Variants in SYNDIG1L observed in about 807,000 individuals in gnomAD.
The protein encoded by SYNDIG1L is synapse differentiation inducing 1 like.
Under a neutral mutation model 20.1 loss-of-function variants are expected in SYNDIG1L, and 13 were observed. The ratio of observed to expected loss-of-function variants is 0.65; its 90% CI spans 0.42 to 1.03. The LOEUF is 1.03. SYNDIG1L is among the 50% of genes least tolerant of loss of function. SYNDIG1L has a pLI of 0.00. For missense variants in SYNDIG1L, 294 were observed against 305.1 expected (o/e 0.96, Z 0.27); for synonymous variants, 128 against 129.3 (o/e 0.99, Z 0.07).
At chr14:74,454,485 G>C in the SYNDIG1L span, among the ~76,000 whole-genome samples, 1 of 152,188 alleles carries the variant, frequency 6.6e-6, no homozygotes, top group African/African-American at 2.4e-5. Flanking sequence ...GTGACTGCCT[G>C]GCTCTAGTGG....
At chr14:74,433,585 G>A in the SYNDIG1L span, among the ~76,000 whole-genome samples, 4 of 151,986 alleles carry the variant, frequency 2.6e-5, no homozygotes, top group Non-Finnish European at 4.4e-5. Context: ...GTGTTTCACC[G>A]TGTTGCCCAG....
intron 1 of SYNDIG1L, among the ~76,000 whole-genome samples, chr14:74,425,649 G>C (rs183815614): frequency 6.6e-6 from 1 of 152,328 alleles, no homozygotes; most frequent in Admixed American, 6.5e-5. Flanking sequence ...AGGATGTCTA[G>C]GAGCTGCCTG....
the SYNDIG1L span, among the ~76,000 whole-genome samples, chr14:74,448,318 A>G: frequency 7.9e-5 from 12 of 152,328 alleles, no homozygotes; most frequent in Non-Finnish European, 1.2e-4. Context: ...GAAAAAAGAT[A>G]TACCATGCTC....
the SYNDIG1L span, among the ~76,000 whole-genome samples, chr14:74,473,736 T>C: frequency 3.3e-5 from 5 of 152,192 alleles, no homozygotes; most frequent in Admixed American, 6.5e-5. Context: ...TGGCACATAA[T>C]AGGTGCTCAG....
chr14:74,426,889 C>G (rs990761012), upstream of SYNDIG1L, among the ~76,000 whole-genome samples: 3 of 151,988 alleles, frequency 2.0e-5, no homozygotes, highest in African/African-American at 7.3e-5. Flanking sequence ...TGTATAACCT[C>G]GAGCAAGTTA....
At chr14:74,453,897 C>G in the SYNDIG1L span, among the ~76,000 whole-genome samples, 1 of 151,936 alleles carries the variant, frequency 6.6e-6, no homozygotes, top group Non-Finnish European at 1.5e-5. Context: ...ACTGGGGAGG[C>G]GGAGGTTGCA....
the SYNDIG1L span, among the ~76,000 whole-genome samples, chr14:74,466,095 C>T: frequency 3.9e-5 from 6 of 152,216 alleles, no homozygotes; most frequent in Non-Finnish European, 5.9e-5. Context: ...CCTTCCCATT[C>T]GGCCAGCCAG....
chr14:74,446,630 T>C, the SYNDIG1L span, among the ~76,000 whole-genome samples: 320 of 151,672 alleles, frequency 2.1e-3, 2 homozygotes, highest in Admixed American at 4.1e-3. Flanking sequence ...TTTTTTTTTT[T>C]CTTTTTGAGA....
chr14:74,470,514 G>C, the SYNDIG1L span, among the ~76,000 whole-genome samples: 6 of 152,220 alleles, frequency 3.9e-5, no homozygotes, highest in Admixed American at 3.9e-4. Flanking sequence ...GGTAGGCATA[G>C]AGCTGAGCCA....
At chr14:74,442,198 G>A in the SYNDIG1L span, among the ~76,000 whole-genome samples, 13 of 152,030 alleles carry the variant, frequency 8.6e-5, no homozygotes, top group African/African-American at 2.4e-4. Flanking sequence ...ATTGTCATAC[G>A]ATTATGAGAA....
chr14:74,437,998 T>C, the SYNDIG1L span, among the ~76,000 whole-genome samples: 1 of 152,178 alleles, frequency 6.6e-6, no homozygotes, highest in Non-Finnish European at 1.5e-5. Context: ...TGTCTAGAAA[T>C]ATAGGTTCAC....
At chr14:74,477,059 CACACACACACACACACACACACACA>C in the SYNDIG1L span, among the ~76,000 whole-genome samples, 1 of 46,604 alleles carries the variant, frequency 2.1e-5, no homozygotes. Context: ...CACACACACA[CACACACACACACACACACACACACA>C]CACACAACCC....
chr14:74,471,575 G>A, the SYNDIG1L span, among the ~76,000 whole-genome samples: 2 of 151,444 alleles, frequency 1.3e-5, no homozygotes, highest in Non-Finnish European at 2.9e-5. Flanking sequence ...TGCAGCCTGG[G>A]TGACAACGTG....
At chr14:74,430,437 ATT>A (rs2086294424), upstream of SYNDIG1L, among the ~76,000 whole-genome samples, 1 of 114,326 alleles carries the variant, frequency 8.7e-6, no homozygotes, top group African/African-American at 3.8e-5. Context: ...AAGAATACGC[ATT>A]CTTTTTTTTT....
chr14:74,476,472 G>T, the SYNDIG1L span: 1 of 1,478,698 alleles, frequency 6.8e-7, no homozygotes, highest in Non-Finnish European at 9.1e-7. Flanking sequence ...GGTGAGGGGA[G>T]CCACACTGAC....
chr14:74,433,037 A>G, the SYNDIG1L span, among the ~76,000 whole-genome samples: 1 of 152,252 alleles, frequency 6.6e-6, no homozygotes, highest in Non-Finnish European at 1.5e-5. Context: ...TAATTTAATA[A>G]GTGCCAGGTC....
At chr14:74,443,216 G>A in the SYNDIG1L span, among the ~76,000 whole-genome samples, 7 of 152,284 alleles carry the variant, frequency 4.6e-5, no homozygotes, top group Admixed American at 3.3e-4. Context: ...GAGACAAGGG[G>A]GAGGGAGAGC....
At chr14:74,464,675 T>C in the SYNDIG1L span, among the ~76,000 whole-genome samples, 1 of 152,080 alleles carries the variant, frequency 6.6e-6, no homozygotes, top group African/African-American at 2.4e-5. Context: ...GCTCAGCCAC[T>C]TATTAGCAGT....
chr14:74,472,888 G>A, the SYNDIG1L span, among the ~76,000 whole-genome samples: 1 of 152,202 alleles, frequency 6.6e-6, no homozygotes, highest in East Asian at 1.9e-4. Flanking sequence ...AGAGAAAGAA[G>A]TGGTGTAATG....
Sources: gnomAD v4.1 joint callset for allele counts (sites outside exome capture counted in the v4.1 genomes callset) on GRCh38, gnomAD v4.1.1 for gene constraint, MANE v1.5 for transcripts, NCBI Gene and HGNC (gene_info 2026-07-23, HGNC 2026-07-21) for gene names.